Variants in GABRB3 observed in about 807,000 individuals in gnomAD.
GABRB3 encodes the protein gamma-aminobutyric acid receptor subunit beta-3.
In GABRB3, 14 loss-of-function variants were observed where a neutral mutation model predicts 52.1. That is an observed-to-expected ratio of 0.27 (90% CI 0.18 to 0.42). The LOEUF is 0.42. Ranked by LOEUF, GABRB3 falls within the 10% of genes least tolerant of loss-of-function variation. The pLI is 1.00. For missense variants in GABRB3, 307 were observed against 609.1 expected (o/e 0.50, Z 5.22); for synonymous variants, 260 against 232.3 (o/e 1.12, Z -1.08).
At position 26,545,168 on chromosome 15, in the gene GABRB3, T is replaced by TG. The variant is rs1202968338; in HGVS notation, c.*2624dup. 1 of 151,662 alleles carries TG rather than the reference T, an allele frequency of 6.6e-6. No individual in the cohort carries two copies. The highest frequency in any genetic ancestry group is 1.9e-4 in the East Asian group (1 of 5,182). 9.4% of individuals were successfully genotyped at this position (151,662 alleles called of 1,614,324 possible). ...CCAAGGATCTTAAAAAGTTTTTTTT[T>TG]GTTTTTACAGAATATATGTATGTAT... On this transcript the variant is annotated 3_prime_UTR_variant, in exon 9 of 9. Coordinates refer to ENST00000311550, the MANE Select transcript of GABRB3 (RefSeq NM_000814.6).
chr15:26,744,229 T>C (rs1890279857), intron 3 of GABRB3, among the ~76,000 whole-genome samples: 1 of 152,186 alleles, frequency 6.6e-6, no homozygotes, highest in Non-Finnish European at 1.5e-5. Context: ...TTGAATTTGA[T>C]ATTAAAATCA....
At position 26,662,052 on chromosome 15, in the gene GABRB3, C is replaced by T. The variant is rs1887568725; in HGVS notation, c.241-40518G>A. Among the ~76,000 whole-genome samples the T allele has an allele frequency of 2.0e-5, 3 of 152,154 alleles. No homozygotes were observed. The South Asian group carries it at 6.2e-4, about 32-fold the overall frequency. ...CATCTCCACTGTACTTCCTAACTTT[C>T]CTCAGATGCCATCTTTAATAACCAT... On this transcript the variant is annotated intron_variant, in intron 3 of 8. Transcript: ENST00000311550.
intron 6 of GABRB3, among the ~76,000 whole-genome samples, chr15:26,576,842 T>G (rs899037317): frequency 1.3e-5 from 2 of 152,098 alleles, no homozygotes; most frequent in Non-Finnish European, 2.9e-5. Context: ...TTGCTCAAGA[T>G]GTACAGATAA....
chr15:26,592,425 T>C (rs1001673541), intron 4 of GABRB3, among the ~76,000 whole-genome samples: 2 of 152,212 alleles, frequency 1.3e-5, no homozygotes, highest in Non-Finnish European at 2.9e-5. Context: ...AGAAGAGATG[T>C]TCTATGAAAA....
chr15:26,646,696 T>A (rs6576590), intron 3 of GABRB3, among the ~76,000 whole-genome samples: 25,317 of 152,118 alleles, frequency 0.17, 2,224 homozygotes, highest in African/African-American at 0.19. Flanking sequence ...CTACACATTC[T>A]CATCAACACT....
At chr15:26,645,533 G>A (rs1893325018) in intron 3 of GABRB3, among the ~76,000 whole-genome samples, 2 of 152,168 alleles carry the variant, frequency 1.3e-5, no homozygotes, top group African/African-American at 4.8e-5. Context: ...GTCCTAAAGA[G>A]CAACCCTAAC....
intron 3 of GABRB3, among the ~76,000 whole-genome samples, chr15:26,736,354 TA>T (rs1890066218): frequency 6.6e-6 from 1 of 152,194 alleles, no homozygotes; most frequent in Non-Finnish European, 1.5e-5. Context: ...AGACAAGAAA[TA>T]CACTATTCAA....
rs113288805 is a variant in GABRB3, at chr15:26,616,378, G to T, written c.461+4936C>A. Among the ~76,000 whole-genome samples the T allele has an allele frequency of 5.9e-4, 90 of 152,276 alleles. 1 individual carries two copies. Among genetic ancestry groups the T allele is most frequent in the African/African-American group, 2.0e-3 (83 of 41,566 alleles). ...CCAGTAGTTCAAATCAATCTCTAGAGCTACATGTTTTTTAAATATCAAGGC... is the reference window on the plus strand; with the variant it reads ...CCAGTAGTTCAAATCAATCTCTAGATCTACATGTTTTTTAAATATCAAGGC... On this transcript the variant is annotated intron_variant, in intron 4 of 8. Transcript: ENST00000311550.
intron 5 of GABRB3, among the ~76,000 whole-genome samples, chr15:26,582,161 T>C (rs997335318): frequency 2.6e-5 from 4 of 152,214 alleles, no homozygotes; most frequent in African/African-American, 9.7e-5. Flanking sequence ...AGAGAACCTC[T>C]TCTACAGCAG....
At chr15:26,656,438 T>C (rs1887375943) in intron 3 of GABRB3, among the ~76,000 whole-genome samples, 1 of 152,204 alleles carries the variant, frequency 6.6e-6, no homozygotes, top group African/African-American at 2.4e-5. Context: ...TTTCCTTAAG[T>C]ACCTTACACA....
chr15:26,770,367 T>C (rs1440695817), intron 3 of GABRB3, among the ~76,000 whole-genome samples: 1 of 152,228 alleles, frequency 6.6e-6, no homozygotes, highest in Non-Finnish European at 1.5e-5. Flanking sequence ...TGCATACCTG[T>C]TGGCTATGGA....
chr15:26,616,160 C>G (rs553449412), intron 4 of GABRB3: 1 of 1,109,040 alleles, frequency 9.0e-7, no homozygotes, highest in Non-Finnish European at 1.2e-6. Context: ...TAAAAAGACA[C>G]GGGAGGGAAG....
At chr15:26,720,367 T>C (rs2057925055) in intron 3 of GABRB3, among the ~76,000 whole-genome samples, 1 of 152,092 alleles carries the variant, frequency 6.6e-6, no homozygotes, top group Non-Finnish European at 1.5e-5. Flanking sequence ...TCAGCTCCTG[T>C]CAGTCATTAT....
intron 3 of GABRB3, among the ~76,000 whole-genome samples, chr15:26,734,144 C>T (rs1890005763): frequency 6.6e-6 from 1 of 150,650 alleles, no homozygotes; most frequent in South Asian, 2.1e-4. Flanking sequence ...ATTCTCCTAC[C>T]TCAGTATCTC....
At chr15:26,578,891 G>A (rs1890688684) in intron 6 of GABRB3, among the ~76,000 whole-genome samples, 1 of 152,274 alleles carries the variant, frequency 6.6e-6, no homozygotes, top group African/African-American at 2.4e-5. Flanking sequence ...ATTTCTTAAT[G>A]ATAAGCCCAA....
chr15:26,707,129 A>T (rs1889128259), intron 3 of GABRB3, among the ~76,000 whole-genome samples: 1 of 152,204 alleles, frequency 6.6e-6, no homozygotes, highest in African/African-American at 2.4e-5. Flanking sequence ...ATGCCACAGG[A>T]TCATAAGAGA....
chr15:26,603,981 T>C (rs987365974), intron 4 of GABRB3, among the ~76,000 whole-genome samples: 2 of 152,128 alleles, frequency 1.3e-5, no homozygotes, highest in African/African-American at 4.8e-5. Flanking sequence ...AGAAGTCAAA[T>C]TATCCTTGTT....
Position 26,624,153 on chromosome 15 carries a change from A to G in GABRB3, c.241-2619T>C. On this transcript the variant is annotated intron_variant, in intron 3 of 8. Transcript: ENST00000311550. ...CTCGGACACTGGGCTGATGCAGAACATCAGGATGAGAATGCACCTTCACAG... is the reference window on the plus strand; with the variant it reads ...CTCGGACACTGGGCTGATGCAGAACGTCAGGATGAGAATGCACCTTCACAG... 3 of 973,434 alleles carry G rather than the reference A, an allele frequency of 3.1e-6. No individual in the cohort carries two copies. In the South Asian group the frequency reaches 1.4e-4, roughly 46 times the overall value. The allele number at this position is 973,434 out of a possible 1,614,324, so 60.3% of individuals were successfully genotyped here.
At chr15:26,670,072 A>T (rs1016347052) in intron 3 of GABRB3, among the ~76,000 whole-genome samples, 12 of 152,192 alleles carry the variant, frequency 7.9e-5, no homozygotes, top group African/African-American at 2.9e-4. Context: ...ACGTGAAGGG[A>T]GCTGCTCGAG....
Sources: allele counts gnomAD v4.1 joint callset (sites outside exome capture counted in the v4.1 genomes callset), GRCh38; gene constraint gnomAD v4.1.1; transcripts MANE v1.5; gene names NCBI Gene and HGNC (gene_info 2026-07-23, HGNC 2026-07-21).